SULF2: variants seen among roughly 807,000 people sequenced by gnomAD.
The protein encoded by SULF2 is extracellular sulfatase Sulf-2.
In SULF2, 52 loss-of-function variants were observed where a neutral mutation model predicts 107.7. The observed-to-expected ratio is 0.48, with a 90% CI of 0.39 to 0.61. The LOEUF (loss-of-function observed/expected upper bound fraction) is 0.61. Ranked by LOEUF, SULF2 falls within the 20% of genes least tolerant of loss-of-function variation. SULF2 has a pLI of 0.00. For missense variants in SULF2, 993 were observed against 1,177.3 expected (o/e 0.84, Z 2.29); for synonymous variants, 460 against 464.3 (o/e 0.99, Z 0.12).
Position 47,666,550 on chromosome 20 carries a change from G to T in SULF2, c.1577-62C>A. On this transcript the variant is annotated intron_variant, in intron 11 of 20. Coordinates refer to ENST00000688720, the MANE Select transcript of SULF2 (RefSeq NM_001387048.1). The surrounding 1 kb of genome is among the most constrained non-coding windows in gnomAD (Gnocchi z 5.4). The stretch of plus-strand genomic sequence containing the variant: ...AGGAAAGGCTGGCCAGGCTCCCAGG[G>T]CAGTGGGTCCTTCATCAAGATAGGG... The T allele has an allele frequency of 1.5e-6, 2 of 1,350,754 alleles. No individual in the cohort carries two copies. The highest frequency in any genetic ancestry group is 2.1e-6 in the Non-Finnish European group (2 of 964,292). The allele number at this position is 1,350,754 out of a possible 1,614,324, so 83.7% of individuals were successfully genotyped here.
intron 3 of SULF2, among the ~76,000 whole-genome samples, chr20:47,734,888 T>A (rs140904211): frequency 4.6e-5 from 7 of 152,352 alleles, no homozygotes; most frequent in Non-Finnish European, 7.4e-5. Context: ...GTGATTTGCA[T>A]ACATTCAAGG....
chr20:47,776,604 G>T (rs889803296), intron 1 of SULF2, among the ~76,000 whole-genome samples: 4 of 152,194 alleles, frequency 2.6e-5, no homozygotes, highest in Non-Finnish European at 4.4e-5. Flanking sequence ...GTCTTTTCAA[G>T]GGCACATGCA....
intron 3 of SULF2, among the ~76,000 whole-genome samples, chr20:47,716,565 G>C (rs2089129061): frequency 6.6e-6 from 1 of 152,084 alleles, no homozygotes; most frequent in African/African-American, 2.4e-5. Context: ...AATGAGAAGA[G>C]TTGCATTGTT....
At position 47,683,262 on chromosome 20, in the gene SULF2, C is replaced by T. The variant is rs73312195; in HGVS notation, c.889-93G>A. 3,318 of 1,277,620 alleles carry T rather than the reference C, an allele frequency of 2.6e-3. 68 individuals carry two copies. The African/African-American group carries it at 0.043, about 17-fold the overall frequency. 79.1% of individuals were successfully genotyped at this position (1,277,620 alleles called of 1,614,324 possible). ...GACAGGCGCTTGAGATCTCAGGCCC[C>T]GTCCCTCCCCTGCTTCAGGTCTTTG... On this transcript the variant is annotated intron_variant, in intron 6 of 20. Transcript: ENST00000688720.
chr20:47,756,509 T>G (rs185180562), intron 2 of SULF2, among the ~76,000 whole-genome samples: 2 of 152,342 alleles, frequency 1.3e-5, no homozygotes, highest in East Asian at 1.9e-4. Flanking sequence ...CCTTCACATT[T>G]GTTGCCACCA....
chr20:47,744,645 C>T (rs1352002938), intron 2 of SULF2, among the ~76,000 whole-genome samples: 6 of 152,082 alleles, frequency 3.9e-5, no homozygotes, highest in African/African-American at 1.4e-4. Flanking sequence ...CTCAAGTGAT[C>T]CTCCTGCCTT....
Position 47,666,005 on chromosome 20 carries a change from G to C in SULF2, c.1806-52C>G. On this transcript the variant is annotated intron_variant, in intron 12 of 20. Coordinates refer to ENST00000688720, the MANE Select transcript of SULF2 (RefSeq NM_001387048.1). The surrounding 1 kb of genome is among the most constrained non-coding windows in gnomAD (Gnocchi z 5.4). The stretch of plus-strand genomic sequence containing the variant: ...GCTCGGAGGTGGTGGAGGGGGAGCA[G>C]CCCAGGTGCCCAAGAGGTGTGGGAA... The C allele has an allele frequency of 3.8e-6, 6 of 1,598,966 alleles. No homozygotes were observed. The highest frequency in any genetic ancestry group is 5.1e-6 in the Non-Finnish European group (6 of 1,166,590).
In SULF2 at chr20:47,665,905, G is replaced by T. The variant is rs771728157; in HGVS notation, c.1854C>A (p.Tyr618Ter). ...GGTCTTTCCAGGCCTGCAGGGACTTGTACAGGTCCAGGTCACACTGGACTG... is the reference window on the plus strand; with the variant it reads ...GGTCTTTCCAGGCCTGCAGGGACTTTTACAGGTCCAGGTCACACTGGACTG... The part of the protein sequence containing the change: ...NDTVQCDLDL[Y>*]KSLQAWKDHK... Residue 618 changes from tyrosine (Y) to a stop codon, truncating the protein, a stop_gained, in exon 13 of 21, where the codon TAC (tyrosine) becomes TAA (stop). Transcript: ENST00000688720. LOFTEE classifies it high-confidence loss of function. 5.0e-6 allele frequency: 8 copies of T among 1,613,992 alleles called. No homozygotes were observed. The highest frequency in any genetic ancestry group is 5.9e-6 in the Non-Finnish European group (7 of 1,180,044).
rs1294108481 is a variant in SULF2 at position 47,663,087 on chromosome 20, T to G, written c.2353A>C (p.Asn785His). The G allele has an allele frequency of 1.2e-6, 2 of 1,614,134 alleles. No individual in the cohort carries two copies. Among genetic ancestry groups the G allele is most frequent in the Non-Finnish European group, 1.7e-6 (2 of 1,180,000 alleles). ...ATGFLEYFDL[N>H]TDPYQLMNAV... The stretch of plus-strand genomic sequence containing the variant: ...GCCTGTACCTGGTAGGGGTCTGTGT[T>G]GAGATCAAAGTACTCTAGGAAGCCA... Residue 785 changes from asparagine (N) to histidine (H), a missense_variant, in exon 17 of 21, where the codon AAC becomes CAC. Coordinates refer to ENST00000688720, the MANE Select transcript of SULF2 (RefSeq NM_001387048.1).
intron 2 of SULF2, among the ~76,000 whole-genome samples, chr20:47,745,393 A>AGG (rs1568891700): frequency 3.1e-3 from 51 of 16,716 alleles, no homozygotes; most frequent in African/African-American, 0.01. Context: ...AAAAAAAAAA[A>AGG]AAAAAAAAAA....
At chr20:47,771,184 T>A (rs576666184) in intron 1 of SULF2, among the ~76,000 whole-genome samples, 153 of 152,290 alleles carry the variant, frequency 1.0e-3, no homozygotes, top group Non-Finnish European at 2.8e-4. Flanking sequence ...TGGGCGTTTG[T>A]GCTCACGTCC....
intron 1 of SULF2, among the ~76,000 whole-genome samples, chr20:47,760,473 C>A (rs1196830866): frequency 6.6e-6 from 1 of 152,128 alleles, no homozygotes; most frequent in African/African-American, 2.4e-5. Flanking sequence ...CTCCTCTTGC[C>A]CCATCAAGTC....
intron 1 of SULF2, among the ~76,000 whole-genome samples, chr20:47,760,606 C>T (rs1257714058): frequency 1.3e-5 from 2 of 152,176 alleles, no homozygotes; most frequent in Admixed American, 6.5e-5. Flanking sequence ...CCCTGATGCG[C>T]ACCCTAATTT....
chr20:47,753,238 A>C (rs2090202917), intron 2 of SULF2, among the ~76,000 whole-genome samples: 1 of 152,320 alleles, frequency 6.6e-6, no homozygotes, highest in Admixed American at 6.5e-5. Flanking sequence ...CACTCAGGAA[A>C]ATGAGCACTG....
chr20:47,670,421 A>G lies in SULF2; in HGVS notation c.1576+1777T>C, dbSNP rs192803444. 2.9e-3 allele frequency among the ~76,000 whole-genome samples: 444 copies of G among 151,462 alleles called. 7 individuals are homozygous for G. The highest frequency in any genetic ancestry group is 0.01 in the African/African-American group (422 of 41,270). ...TGGCCAGACTGGTCTCGAACTTCTG[A>G]GCTCAGGCAATCCGCCTGCCTTGGC... On this transcript the variant is annotated intron_variant, in intron 11 of 20. Transcript: ENST00000688720.
At chr20:47,692,063 T>C (rs575448386) in intron 4 of SULF2, among the ~76,000 whole-genome samples, 3 of 152,282 alleles carry the variant, frequency 2.0e-5, no homozygotes, top group Middle Eastern at 3.4e-3. Flanking sequence ...ACAGCACCCA[T>C]ACAACTCTTC....
chr20:47,750,524 T>C (rs545570494), intron 2 of SULF2, among the ~76,000 whole-genome samples: 1 of 152,352 alleles, frequency 6.6e-6, no homozygotes, highest in East Asian at 1.9e-4. Context: ...GCTCATCTCA[T>C]GCGTGGACTG....
intron 10 of SULF2, among the ~76,000 whole-genome samples, chr20:47,676,172 T>C (rs1255425230): frequency 1.3e-5 from 2 of 152,180 alleles, no homozygotes; most frequent in African/African-American, 4.8e-5. Flanking sequence ...GTGAATATGG[T>C]GAAAATAAAA....
chr20:47,713,199 G>T (rs1363869807), intron 3 of SULF2, among the ~76,000 whole-genome samples: 4 of 152,184 alleles, frequency 2.6e-5, no homozygotes, highest in African/African-American at 9.7e-5. Context: ...GGGTGATTTT[G>T]CCCTGCAGGG....
Sources: allele counts gnomAD v4.1 joint callset (sites outside exome capture counted in the v4.1 genomes callset), GRCh38; gene constraint gnomAD v4.1.1; non-coding constraint Gnocchi (gnomAD v3.1); transcripts MANE v1.5; gene names NCBI Gene and HGNC (gene_info 2026-07-23, HGNC 2026-07-21).